The following ZFAND3 variants were observed in gnomAD, a reference collection of about 807,000 sequenced individuals.
ZFAND3 encodes AN1-type zinc finger protein 3.
A neutral mutation model predicts 29.6 loss-of-function variants in ZFAND3; 10 were observed. That is an observed-to-expected ratio of 0.34 (90% CI 0.21 to 0.57). The LOEUF (loss-of-function observed/expected upper bound fraction) is 0.57. Ranked by LOEUF, ZFAND3 falls within the 20% of genes least tolerant of loss-of-function variation. ZFAND3 has a pLI of 0.86. For synonymous variants in ZFAND3, 128 were observed against 112.6 expected (o/e 1.14, Z -0.87); for missense variants, 230 against 304.5 (o/e 0.76, Z 1.82).
chr6:37,820,434 C>A (rs556634259), intron 1 of ZFAND3, among the ~76,000 whole-genome samples: 1 of 152,192 alleles, frequency 6.6e-6, no homozygotes, highest in African/African-American at 2.4e-5. Flanking sequence ...GAGGGTATTT[C>A]CTCTGACTTC....
chr6:38,061,029 A>T (rs1225311787), intron 2 of ZFAND3, among the ~76,000 whole-genome samples: 1 of 152,222 alleles, frequency 6.6e-6, no homozygotes, highest in Non-Finnish European at 1.5e-5. Flanking sequence ...GATTAACTAT[A>T]CTTTAACATT....
chr6:38,116,968 T>C (rs1765430571), intron 5 of ZFAND3, among the ~76,000 whole-genome samples: 1 of 152,178 alleles, frequency 6.6e-6, no homozygotes, highest in African/African-American at 2.4e-5. Context: ...ATCCCCATGT[T>C]CTTAATGCAT....
At chr6:37,946,270 T>C (rs1581783062) in intron 2 of ZFAND3, among the ~76,000 whole-genome samples, 1 of 152,164 alleles carries the variant, frequency 6.6e-6, no homozygotes, top group South Asian at 2.1e-4. Context: ...GGAGGCTATT[T>C]CACTTCTGAT....
chr6:37,922,930 G>A (rs935907428), intron 1 of ZFAND3, among the ~76,000 whole-genome samples: 1 of 152,118 alleles, frequency 6.6e-6, no homozygotes, highest in African/African-American at 2.4e-5. Flanking sequence ...GTACACTTAG[G>A]CTACACTAAG....
intron 2 of ZFAND3, among the ~76,000 whole-genome samples, chr6:37,940,170 T>G (rs1402207509): frequency 2.6e-5 from 4 of 152,180 alleles, no homozygotes; most frequent in Non-Finnish European, 5.9e-5. Flanking sequence ...TTTAGACTTG[T>G]CAGGAATATG....
chr6:37,849,297 T>A (rs1296690386), intron 1 of ZFAND3, among the ~76,000 whole-genome samples: 4 of 152,166 alleles, frequency 2.6e-5, no homozygotes, highest in African/African-American at 4.8e-5. Context: ...CTTTTTCCCC[T>A]CTCTTCTTCT....
intron 2 of ZFAND3, among the ~76,000 whole-genome samples, chr6:37,952,488 G>T (rs1254764269): frequency 6.6e-6 from 1 of 151,986 alleles, no homozygotes; most frequent in Non-Finnish European, 1.5e-5. Flanking sequence ...GAAGAAATGT[G>T]CATAGAAGTG....
chr6:38,065,290 G>A (rs1454973303), intron 3 of ZFAND3, among the ~76,000 whole-genome samples: 2 of 151,740 alleles, frequency 1.3e-5, no homozygotes, highest in African/African-American at 4.8e-5. Flanking sequence ...ACTCCAGCCT[G>A]GCGACAGAGT....
At chr6:37,955,821 G>C (rs182642845) in intron 2 of ZFAND3, among the ~76,000 whole-genome samples, 1 of 152,268 alleles carries the variant, frequency 6.6e-6, no homozygotes, top group East Asian at 1.9e-4. Context: ...TAGGAGCAAG[G>C]GTGAAATCTA....
At chr6:37,998,256 A>G (rs940311721) in intron 2 of ZFAND3, among the ~76,000 whole-genome samples, 1 of 152,240 alleles carries the variant, frequency 6.6e-6, no homozygotes, top group Non-Finnish European at 1.5e-5. Flanking sequence ...GGAAAACTAA[A>G]GTGATAGTAC....
chr6:38,142,476 T>A lies in ZFAND3; in HGVS notation c.530-9759T>A, dbSNP rs1014823305. 34 of 394,266 alleles carry A rather than the reference T, an allele frequency of 8.6e-5. 1 individual carries two copies. The highest frequency in any genetic ancestry group is 2.6e-5 in the Non-Finnish European group (5 of 195,774). 24.4% of individuals were successfully genotyped at this position (394,266 alleles called of 1,614,324 possible). On this transcript the variant is annotated intron_variant, in intron 5 of 5. Coordinates refer to ENST00000287218, the MANE Select transcript of ZFAND3 (RefSeq NM_021943.3). ...GGCTGTGTCTTCAGCAGCTCCTGGA[T>A]GGAATGCGTGCCTCCCCTTTTGTCA...
intron 1 of ZFAND3, among the ~76,000 whole-genome samples, chr6:37,881,263 T>C (rs1764890313): frequency 6.6e-6 from 1 of 152,062 alleles, no homozygotes; most frequent in Non-Finnish European, 1.5e-5. Context: ...TTTTTGTATT[T>C]TTAGTAGAGA....
At chr6:38,134,529 A>C (rs973738102) in intron 5 of ZFAND3, among the ~76,000 whole-genome samples, 1 of 152,210 alleles carries the variant, frequency 6.6e-6, no homozygotes, top group Non-Finnish European at 1.5e-5. Context: ...ACAGGTGACC[A>C]ATAAATACTT....
intron 2 of ZFAND3, among the ~76,000 whole-genome samples, chr6:37,962,312 A>T (rs969065085): frequency 2.0e-5 from 3 of 152,220 alleles, no homozygotes; most frequent in Non-Finnish European, 4.4e-5. Flanking sequence ...AGTCAGGCAA[A>T]AGAAAAAGTA....
intron 1 of ZFAND3, among the ~76,000 whole-genome samples, chr6:37,899,744 A>G (rs1765284944): frequency 6.6e-6 from 1 of 152,214 alleles, no homozygotes; most frequent in African/African-American, 2.4e-5. Flanking sequence ...AATACAACTA[A>G]TGCACATGGT....
intron 5 of ZFAND3, among the ~76,000 whole-genome samples, chr6:38,141,699 ATGG>A (rs894462417): frequency 3.3e-5 from 5 of 152,232 alleles, no homozygotes; most frequent in Admixed American, 3.3e-4. Flanking sequence ...TCAAAGGAGA[ATGG>A]AACCAGAATC....
At chr6:37,875,567 C>T (rs1357551188) in intron 1 of ZFAND3, among the ~76,000 whole-genome samples, 1 of 151,180 alleles carries the variant, frequency 6.6e-6, no homozygotes, top group Non-Finnish European at 1.5e-5. Context: ...AACTTATGTT[C>T]ATGAACAAGA....
intron 1 of ZFAND3, among the ~76,000 whole-genome samples, chr6:37,897,948 A>C (rs941345028): frequency 2.6e-5 from 4 of 151,854 alleles, no homozygotes; most frequent in Non-Finnish European, 4.4e-5. Flanking sequence ...CCACACACAC[A>C]CCCCATGTAT....
At chr6:38,042,412 C>T (rs1763809718) in intron 2 of ZFAND3, among the ~76,000 whole-genome samples, 1 of 149,700 alleles carries the variant, frequency 6.7e-6, no homozygotes, top group African/African-American at 2.5e-5. Context: ...CTCCCGGGTT[C>T]AAGCAATTCT....
Sources: gnomAD v4.1 joint callset for allele counts (sites outside exome capture counted in the v4.1 genomes callset) on GRCh38, gnomAD v4.1.1 for gene constraint, MANE v1.5 for transcripts, NCBI Gene and HGNC (gene_info 2026-07-23, HGNC 2026-07-21) for gene names.